Variants in GPATCH2L observed in about 807,000 individuals in gnomAD.
The protein encoded by GPATCH2L is G patch domain-containing protein 2-like.
GPATCH2L carries 31 observed loss-of-function variants against 57.4 expected under a neutral mutation model. That is an observed-to-expected ratio of 0.54 (90% CI 0.41 to 0.73). GPATCH2L has a LOEUF of 0.73. Among genes scored for constraint, GPATCH2L ranks in the 30% least tolerant of loss-of-function variants. The pLI is 0.00. For synonymous variants in GPATCH2L, 199 were observed against 210.7 expected (o/e 0.94, Z 0.48); for missense variants, 481 against 599.9 (o/e 0.80, Z 2.07).
At position 76,202,092 on chromosome 14, in the gene GPATCH2L, ATT is replaced by A. The variant is rs1460891407; in HGVS notation, c.*243_*244del. 7 of 363,482 alleles carry A rather than the reference ATT, an allele frequency of 1.9e-5. No individual in the cohort carries two copies. Among genetic ancestry groups the A allele is most frequent in the Admixed American group, 4.5e-5 (1 of 22,374 alleles). 22.5% of individuals were successfully genotyped at this position (363,482 alleles called of 1,614,324 possible). Reference sequence around the variant, plus strand: ...TTACAAAAAGGTCATCCTCTGCTCTATTTGTTACCTTGTTATTGCTGTCTCAA... The same window carrying A: ...TTACAAAAAGGTCATCCTCTGCTCTATGTTACCTTGTTATTGCTGTCTCAA... On this transcript the variant is annotated 3_prime_UTR_variant, in exon 10 of 10. Coordinates refer to ENST00000261530, the MANE Select transcript of GPATCH2L (RefSeq NM_017926.4).
chr14:76,201,801 A>G lies in GPATCH2L; in HGVS notation c.1399A>G (p.Thr467Ala). The stretch of plus-strand genomic sequence containing the variant: ...AGCAGAGAAAGCCACAGACGCAACT[A>G]CTGCTACATTTTTTAAAATGCCACA... ...SAAEKATDAT[T>A]ATFFKMPQEK... The change falls in exon 10 of 10, where the codon ACT becomes GCT. Residue 467 changes from threonine to alanine, a missense_variant. Around this residue, in one of 3 missense-constraint regions of GPATCH2L, gnomAD observed 248 missense variants for 270.5 expected, o/e 0.92. Transcript: ENST00000261530. 6.2e-7 allele frequency: 1 copy of G among 1,614,112 alleles called. No individual in the cohort carries two copies. Among genetic ancestry groups the G allele is most frequent in the Non-Finnish European group, 8.5e-7 (1 of 1,179,976 alleles).
intron 8 of GPATCH2L, among the ~76,000 whole-genome samples, chr14:76,183,206 T>C (rs755481070): frequency 9.2e-5 from 14 of 152,234 alleles, no homozygotes; most frequent in Non-Finnish European, 1.9e-4. Flanking sequence ...CTTCACTCTT[T>C]TGCCTGGCAG....
intron 5 of GPATCH2L, 52 bp from the exon 6 acceptor site, chr14:76,176,571 A>T: frequency 8.2e-7 from 1 of 1,220,656 alleles, no homozygotes; most frequent in Non-Finnish European, 1.2e-6. Flanking sequence ...ATTGTACTTT[A>T]TATGTTTGTT....
chr14:76,172,522 A>C (rs557752846), intron 4 of GPATCH2L, among the ~76,000 whole-genome samples: 1 of 152,100 alleles, frequency 6.6e-6, no homozygotes, highest in Non-Finnish European at 1.5e-5. Context: ...TTTTTCTTCA[A>C]TTATGATGTA....
intron 3 of GPATCH2L, among the ~76,000 whole-genome samples, chr14:76,168,286 G>A (rs956753120): frequency 5.9e-5 from 9 of 152,204 alleles, no homozygotes; most frequent in Non-Finnish European, 8.8e-5. Context: ...GGTCTTCTTG[G>A]TTTCAATTTC....
Position 76,154,316 on chromosome 14 carries a change from T to A in GPATCH2L, c.-10-38T>A. 1 of 1,470,098 alleles carries A rather than the reference T, an allele frequency of 6.8e-7. No homozygotes were observed. The highest frequency in any genetic ancestry group is 1.4e-5 in the African/African-American group (1 of 70,680). 91.1% of individuals were successfully genotyped at this position (1,470,098 alleles called of 1,614,324 possible). ...TTCAGGCTTTCTTTTTCTTTTTCTT[T>A]TCTTTCTTTCTTTTTTTCCTAAACT... On this transcript the variant is annotated intron_variant, in intron 1 of 9. Coordinates refer to ENST00000261530, the MANE Select transcript of GPATCH2L (RefSeq NM_017926.4). The surrounding 1 kb of genome is among the most constrained non-coding windows in gnomAD (Gnocchi z 4.4).
chr14:76,202,147 T>C lies in GPATCH2L; in HGVS notation c.*296T>C, dbSNP rs1285229106. On this transcript the variant is annotated 3_prime_UTR_variant, in exon 10 of 10. Transcript: ENST00000261530. ...TTTACTACAGCTCCATTTACAGAACTGTTGCTTTTTTGCAGTTGTCTTTGT... is the reference window on the plus strand; with the variant it reads ...TTTACTACAGCTCCATTTACAGAACCGTTGCTTTTTTGCAGTTGTCTTTGT... 4.5e-6 allele frequency: 1 copy of C among 219,790 alleles called. No individual in the cohort carries two copies. The highest frequency in any genetic ancestry group is 2.3e-5 in the African/African-American group (1 of 43,864). The allele number at this position is 219,790 out of a possible 1,614,324, so 13.6% of individuals were successfully genotyped here. A position where few individuals can be genotyped will look rare whatever the true frequency, so the allele number is the denominator to read the frequency against.
intron 2 of GPATCH2L, among the ~76,000 whole-genome samples, chr14:76,162,070 A>G (rs1011701120): frequency 6.6e-6 from 1 of 152,170 alleles, no homozygotes; most frequent in Non-Finnish European, 1.5e-5. Flanking sequence ...TATGAGCTCT[A>G]AACAATGAAT....
intron 2 of GPATCH2L, among the ~76,000 whole-genome samples, chr14:76,163,143 A>G (rs1014283281): frequency 1.3e-5 from 2 of 152,188 alleles, no homozygotes; most frequent in South Asian, 4.1e-4. Context: ...TTAGGCATAC[A>G]CTACCCTGGC....
At chr14:76,197,821 T>A (rs1379647510) in intron 9 of GPATCH2L, among the ~76,000 whole-genome samples, 1 of 152,214 alleles carries the variant, frequency 6.6e-6, no homozygotes, top group Non-Finnish European at 1.5e-5. Flanking sequence ...GGCTTCCTTG[T>A]GTCATTCTTT....
chr14:76,214,511 G>C (rs80352918), downstream of GPATCH2L, among the ~76,000 whole-genome samples: 1 of 152,178 alleles, frequency 6.6e-6, no homozygotes, highest in Non-Finnish European at 1.5e-5. Flanking sequence ...TCCAAGATCA[G>C]GGTGCTGGCT....
At chr14:76,189,849 G>A (rs1292940627) in intron 8 of GPATCH2L, among the ~76,000 whole-genome samples, 1 of 151,974 alleles carries the variant, frequency 6.6e-6, no homozygotes, top group Non-Finnish European at 1.5e-5. Context: ...GTCATATATG[G>A]CTTTTATTGT....
chr14:76,228,328 G>A (rs577794137), intron 1 of GPATCH2L, among the ~76,000 whole-genome samples: 94 of 152,238 alleles, frequency 6.2e-4, no homozygotes, highest in African/African-American at 2.1e-3. Flanking sequence ...TAAATACTTG[G>A]TGTTTGATGT....
At chr14:76,230,940 T>C (rs1402813070) in intron 2 of GPATCH2L, among the ~76,000 whole-genome samples, 1 of 152,252 alleles carries the variant, frequency 6.6e-6, no homozygotes, top group African/African-American at 2.4e-5. Flanking sequence ...TTCTTTCTGA[T>C]AATCATTACT....
chr14:76,198,105 A>AG (rs5809751), intron 9 of GPATCH2L, among the ~76,000 whole-genome samples: 149,928 of 152,254 alleles, frequency 0.98, 73,860 homozygotes, highest in East Asian at 1. Flanking sequence ...AAATGACCAT[A>AG]GGTTGTTAAA....
intron 2 of GPATCH2L, chr14:76,230,223 A>G (rs1451739836): frequency 6.6e-6 from 1 of 152,240 alleles, no homozygotes. Flanking sequence ...GACCACATCC[A>G]AGAGTCTAAT....
intron 1 of GPATCH2L, among the ~76,000 whole-genome samples, chr14:76,222,488 T>G (rs1303604850): frequency 3.3e-5 from 5 of 151,790 alleles, no homozygotes; most frequent in Non-Finnish European, 5.9e-5. Flanking sequence ...GCACCTGTAA[T>G]CCCAGCTACT....
At chr14:76,187,222 C>G (rs966823018) in intron 8 of GPATCH2L, among the ~76,000 whole-genome samples, 2 of 151,846 alleles carry the variant, frequency 1.3e-5, no homozygotes, top group African/African-American at 4.8e-5. Flanking sequence ...CCTCCTTTTT[C>G]TCCTTTTACC....
rs918756789 is a variant in GPATCH2L at position 76,177,993 on chromosome 14, A to G, written c.1058A>G (p.Asn353Ser). The change falls in exon 7 of 10, where the codon AAT becomes AGT. Residue 353 changes from asparagine (N) to serine (S), a missense_variant. By Grantham distance (46) the Asn-to-Ser change is conservative. This residue lies in a region of GPATCH2L where 248 missense variants were observed against 270.5 expected (regional missense o/e 0.92). Coordinates refer to ENST00000261530, the MANE Select transcript of GPATCH2L (RefSeq NM_017926.4). ...TTTGGTTTCCTTTTCTTTAGAAAGAATAAAGCGTTGGCTTCTGATTTTCCT... is the reference window on the plus strand; with the variant it reads ...TTTGGTTTCCTTTTCTTTAGAAAGAGTAAAGCGTTGGCTTCTGATTTTCCT... ...IISDPRQKEK[N>S]KALASDFPHI... 4.4e-6 allele frequency: 7 copies of G among 1,605,522 alleles called. No homozygotes were observed. Among genetic ancestry groups the G allele is most frequent in the Non-Finnish European group, 5.1e-6 (6 of 1,172,478 alleles).
Sources: gnomAD v4.1 joint callset for allele counts (sites outside exome capture counted in the v4.1 genomes callset) on GRCh38, gnomAD v4.1.1 for gene constraint, gnomAD v4.1.1 regional missense constraint, Gnocchi (gnomAD v3.1) non-coding constraint, MANE v1.5 for transcripts, NCBI Gene and HGNC (gene_info 2026-07-23, HGNC 2026-07-21) for gene names.